Variants in EYA1 observed in about 807,000 individuals in gnomAD.
EYA1 encodes protein phosphatase EYA1.
A neutral mutation model predicts 82.0 loss-of-function variants in EYA1; 16 were observed. That is an observed-to-expected ratio of 0.20 (90% CI 0.13 to 0.30). EYA1 has a LOEUF of 0.30. Ranked by LOEUF, EYA1 falls within the 10% of genes least tolerant of loss-of-function variation. EYA1 has a pLI of 1.00. For missense variants in EYA1, 633 were observed against 730.7 expected (o/e 0.87, Z 1.54); for synonymous variants, 261 against 264.4 (o/e 0.99, Z 0.12).
At chr8:71,258,620 C>T (rs749888) in intron 11 of EYA1, among the ~76,000 whole-genome samples, 20,485 of 152,064 alleles carry the variant, frequency 0.13, 2,871 homozygotes, top group African/African-American at 0.36. Flanking sequence ...CAGGAAGGAG[C>T]GGAAGGGAGT....
intron 3 of EYA1, among the ~76,000 whole-genome samples, chr8:71,349,195 C>T (rs995160612): frequency 1.8e-4 from 28 of 152,174 alleles, no homozygotes; most frequent in African/African-American, 6.0e-4. Flanking sequence ...CACACTCACG[C>T]ACACCAGAAC....
intron 2 of EYA1, among the ~76,000 whole-genome samples, chr8:71,394,608 G>A (rs528574965): frequency 2.6e-5 from 4 of 151,938 alleles, no homozygotes; most frequent in East Asian, 1.9e-4. Context: ...TTGTAGATCT[G>A]TGGTATTATT....
chr8:71,471,335 C>T (rs1279951671), intron 2 of EYA1, among the ~76,000 whole-genome samples: 2 of 151,888 alleles, frequency 1.3e-5, no homozygotes, highest in Non-Finnish European at 2.9e-5. Context: ...GTTATAAATT[C>T]TATACAAAGA....
chr8:71,270,068 C>T lies in EYA1; in HGVS notation c.967-245G>A, dbSNP rs534254962. 2.0e-3 allele frequency: 829 copies of T among 420,732 alleles called. 3 individuals are homozygous for T. Among genetic ancestry groups the T allele is most frequent in the Middle Eastern group, 3.6e-3 (5 of 1,404 alleles). The allele number at this position is 420,732 out of a possible 1,614,324, so 26.1% of individuals were successfully genotyped here. A position where few individuals can be genotyped will look rare whatever the true frequency, so the allele number is the denominator to read the frequency against. On this transcript the variant is annotated intron_variant, in intron 10 of 17. Coordinates refer to ENST00000340726, the MANE Select transcript of EYA1 (RefSeq NM_000503.6). Reference sequence around the variant, plus strand: ...AATATAAATATAGGAAAGAGATAATCTATGTCCTTTCTAATTCTGTAATAG... The same window carrying T: ...AATATAAATATAGGAAAGAGATAATTTATGTCCTTTCTAATTCTGTAATAG...
intron 2 of EYA1, among the ~76,000 whole-genome samples, chr8:71,523,929 A>T (rs1460188116): frequency 3.3e-5 from 5 of 152,244 alleles, no homozygotes; most frequent in Non-Finnish European, 7.3e-5. Context: ...GTTAAAATAC[A>T]GATCTGATTT....
At chr8:71,324,683 C>A (rs1265421731) in intron 4 of EYA1, among the ~76,000 whole-genome samples, 1 of 152,156 alleles carries the variant, frequency 6.6e-6, no homozygotes, top group Non-Finnish European at 1.5e-5. Flanking sequence ...CGTATCTAAG[C>A]AAATTGAACC....
chr8:71,487,309 A>T (rs1258565209), intron 2 of EYA1, among the ~76,000 whole-genome samples: 1 of 152,182 alleles, frequency 6.6e-6, no homozygotes, highest in Non-Finnish European at 1.5e-5. Flanking sequence ...CATCTGTAAA[A>T]TGAGGGGTTC....
chr8:71,518,895 A>T (rs1813184157), intron 2 of EYA1, among the ~76,000 whole-genome samples: 1 of 152,172 alleles, frequency 6.6e-6, no homozygotes, highest in Non-Finnish European at 1.5e-5. Context: ...AGTATCTACT[A>T]ATATCCAGAA....
intron 2 of EYA1, among the ~76,000 whole-genome samples, chr8:71,412,481 G>T (rs1214206792): frequency 2.0e-5 from 3 of 151,984 alleles, no homozygotes; most frequent in African/African-American, 7.2e-5. Flanking sequence ...TATGATAACT[G>T]CATATGTTTA....
rs375755886 is a variant in EYA1, at chr8:71,370,372, G to A, written c.34-13861C>T. Among the ~76,000 whole-genome samples the A allele has an allele frequency of 2.7e-5, 4 of 147,862 alleles. No individual in the cohort carries two copies. The South Asian group carries it at 9.0e-4, about 33-fold the overall frequency. ...CAGTCACTCAACAAATATTTATCATGTATCTAGTATGTGCCAGGTACTATG... is the reference window on the plus strand; with the variant it reads ...CAGTCACTCAACAAATATTTATCATATATCTAGTATGTGCCAGGTACTATG... On this transcript the variant is annotated intron_variant, in intron 2 of 18. Transcript: ENST00000643681.
intron 2 of EYA1, among the ~76,000 whole-genome samples, chr8:71,437,070 A>ATATC (rs1383971682): frequency 1.4e-5 from 2 of 139,052 alleles, no homozygotes; most frequent in Admixed American, 7.4e-5. Context: ...ATATATATAT[A>ATATC]TCTCCATCTT....
chr8:71,423,495 T>G (rs1044710388), intron 2 of EYA1, among the ~76,000 whole-genome samples: 2 of 152,196 alleles, frequency 1.3e-5, no homozygotes, highest in Non-Finnish European at 2.9e-5. Context: ...TTGTTTTTAT[T>G]TATTCAGGAT....
intron 2 of EYA1, among the ~76,000 whole-genome samples, chr8:71,379,198 C>A (rs1039778551): frequency 3.3e-5 from 5 of 151,990 alleles, no homozygotes; most frequent in African/African-American, 1.2e-4. Flanking sequence ...AGACCAAGGA[C>A]CTGAACAGTA....
chr8:71,398,261 G>T (rs1829746927), intron 2 of EYA1, among the ~76,000 whole-genome samples: 1 of 152,182 alleles, frequency 6.6e-6, no homozygotes. Flanking sequence ...AGATAAGTTT[G>T]TTATTACTTA....
intron 12 of EYA1, among the ~76,000 whole-genome samples, chr8:71,233,447 C>T (rs1441428864): frequency 6.6e-6 from 1 of 151,624 alleles, no homozygotes; most frequent in African/African-American, 2.4e-5. Flanking sequence ...GCCTGTATTC[C>T]CAGCTACTCA....
intron 2 of EYA1, among the ~76,000 whole-genome samples, chr8:71,473,813 A>G (rs1265170712): frequency 6.6e-6 from 1 of 152,218 alleles, no homozygotes; most frequent in Non-Finnish European, 1.5e-5. Flanking sequence ...ATGCCCATCA[A>G]TGATAGACTG....
chr8:71,215,298 C>T (rs540138456), intron 16 of EYA1, 89 bp downstream of exon 16: 2 of 1,299,122 alleles, frequency 1.5e-6, no homozygotes, highest in Admixed American at 1.8e-5. Context: ...ATGTAGCATT[C>T]TGGAAAAAAA....
chr8:71,342,531 G>A (rs1825254850), intron 3 of EYA1, among the ~76,000 whole-genome samples: 2 of 152,176 alleles, frequency 1.3e-5, no homozygotes, highest in Admixed American at 1.3e-4. Flanking sequence ...GAGCACTTTT[G>A]TTCAGATCTG....
rs1346438963 is a variant in EYA1 at position 71,299,072 on chromosome 8, G to C, written c.801C>G (p.Ser267Arg). ...CTGCTGTGGGATCTGTAACTGCTTG[G>C]CTGGTGATGCCAGATGGCGGTTCTT... ...QLQEPPSGIT[S>R]QAVTDPTAEY... Residue 267 changes from serine to arginine, a missense_variant, in exon 9 of 18, where the codon AGC (serine) becomes AGG (arginine). Ser to Arg is a moderately radical substitution (Grantham distance 110). Transcript: ENST00000340726. 3.1e-6 allele frequency: 5 copies of C among 1,613,918 alleles called. No homozygotes were observed. Among genetic ancestry groups the C allele is most frequent in the Admixed American group, 1.7e-5 (1 of 59,984 alleles).
Sources: gnomAD v4.1 joint callset for allele counts (sites outside exome capture counted in the v4.1 genomes callset) on GRCh38, gnomAD v4.1.1 for gene constraint, MANE v1.5 for transcripts, NCBI Gene and HGNC (gene_info 2026-07-23, HGNC 2026-07-21) for gene names.